DYNC2H1: variants seen among roughly 807,000 people sequenced by gnomAD.
The protein encoded by DYNC2H1 is cytoplasmic dynein 2 heavy chain 1.
Under a neutral mutation model 570.0 loss-of-function variants are expected in DYNC2H1, and 410 were observed. That is an observed-to-expected ratio of 0.72 (90% CI 0.66 to 0.78). The LOEUF (loss-of-function observed/expected upper bound fraction) is 0.78, where lower values mean the gene tolerates loss of function less well. Ranked by LOEUF, DYNC2H1 falls within the 30% of genes least tolerant of loss-of-function variation. DYNC2H1 has a pLI of 0.00. For synonymous variants in DYNC2H1, 1,688 were observed against 1,677.6 expected, an observed-to-expected ratio of 1.01 and a Z score of -0.15; for missense variants, 4,865 against 5,046.4, an observed-to-expected ratio of 0.96 and a Z score of 1.09.
Position 103,243,738 on chromosome 11 carries a change from G to C in DYNC2H1, c.9865G>C (p.Glu3289Gln), listed in dbSNP as rs200326353. 3.9e-4 allele frequency: 622 copies of C among 1,606,582 alleles called. 1 individual carries two copies. The highest frequency in any genetic ancestry group is 9.9e-4 in the Middle Eastern group (6 of 6,038). Residue 3289 changes from glutamate to glutamine, a missense_variant, in exon 64 of 89, where the codon GAG (glutamate) becomes CAG (glutamine). Physicochemically the swap from Glu to Gln is conservative, Grantham distance 29 (BLOSUM62 2). Coordinates refer to ENST00000375735, the MANE Select transcript of DYNC2H1 (RefSeq NM_001377.3). The surrounding 1 kb of genome is among the most constrained non-coding windows in gnomAD (Gnocchi z 4.8). ...FLIDPSSQAT[E>Q]WLKTHLKDSR... ...TATAGATCCTTCTTCCCAAGCTACA[G>C]AGTGGTTAAAAACACATTTGAAAGA...
chr11:103,191,964 T>G (rs1862334190), intron 46 of DYNC2H1, 133 bp from the exon 47 acceptor site: 2 of 650,780 alleles, frequency 3.1e-6, no homozygotes, highest in African/African-American at 3.7e-5. Flanking sequence ...ATTTTAACTT[T>G]TTTTCCTTTC....
chr11:103,287,749 T>A, intron 75 of DYNC2H1, 144 bp downstream of exon 75: 1 of 731,034 alleles, frequency 1.4e-6, no homozygotes, highest in Non-Finnish European at 2.1e-6. Flanking sequence ...AATCTCTACC[T>A]GTTTTAGAAA....
intron 4 of DYNC2H1, among the ~76,000 whole-genome samples, chr11:103,115,522 G>A (rs1189829633): frequency 6.6e-6 from 1 of 152,142 alleles, no homozygotes; most frequent in Admixed American, 6.5e-5. Context: ...TTACGCCTGG[G>A]CATGGTGACT....
At chr11:103,435,850 T>G in intron 84 of DYNC2H1, 93 bp from the exon 85 acceptor site, 2 of 1,232,702 alleles carry the variant, frequency 1.6e-6, no homozygotes, top group South Asian at 2.6e-5. Context: ...ATGTGAATTA[T>G]GCCAAAATTT....
intron 1 of DYNC2H1, among the ~76,000 whole-genome samples, chr11:103,111,047 A>G (rs1205119067): frequency 6.6e-6 from 1 of 152,144 alleles, no homozygotes; most frequent in African/African-American, 2.4e-5. Context: ...GCTGGTCTCG[A>G]ACTCCTGACC....
Position 103,176,247 on chromosome 11 carries a change from A to C in DYNC2H1, c.5687A>C (p.His1896Pro). The C allele has an allele frequency of 6.7e-7, 1 of 1,496,930 alleles. No homozygotes were observed. The highest frequency in any genetic ancestry group is 8.9e-7 in the Non-Finnish European group (1 of 1,127,910). 92.7% of individuals were successfully genotyped at this position (1,496,930 alleles called of 1,614,324 possible). The change falls in exon 37 of 89, where the codon CAT becomes CCT. Residue 1896 changes from histidine (H) to proline (P), a missense_variant. Coordinates refer to ENST00000375735, the MANE Select transcript of DYNC2H1 (RefSeq NM_001377.3). ...AACTTTTTTCTAGCTAATGAAAGTC[A>C]TATTGTGGTACAAGCACTGAGGCTT... ...SGTTQNANES[H>P]IVVQALRLNT...
intron 39 of DYNC2H1, among the ~76,000 whole-genome samples, chr11:103,179,789 A>C (rs1214960169): frequency 6.6e-6 from 1 of 151,728 alleles, no homozygotes; most frequent in African/African-American, 2.4e-5. Context: ...GTGAATAATA[A>C]ACCAATTTTA....
intron 83 of DYNC2H1, among the ~76,000 whole-genome samples, chr11:103,391,536 G>A (rs951191309): frequency 1.3e-5 from 2 of 152,238 alleles, no homozygotes; most frequent in Non-Finnish European, 2.9e-5. Flanking sequence ...TCTGTTGCTG[G>A]TAAGGAGCTG....
At chr11:103,178,802 AT>A (rs1044670122) in intron 38 of DYNC2H1, among the ~76,000 whole-genome samples, 2 of 151,874 alleles carry the variant, frequency 1.3e-5, no homozygotes, top group East Asian at 1.9e-4. Flanking sequence ...TAAGCCTTGC[AT>A]TTTTTTTAGT....
At chr11:103,343,581 G>C (rs975169682) in intron 82 of DYNC2H1, among the ~76,000 whole-genome samples, 3 of 152,152 alleles carry the variant, frequency 2.0e-5, no homozygotes, top group African/African-American at 4.8e-5. Flanking sequence ...AAGCTAGGAT[G>C]TGGGGAGCCT....
intron 84 of DYNC2H1, among the ~76,000 whole-genome samples, chr11:103,433,112 A>G (rs900425421): frequency 4.6e-5 from 7 of 152,154 alleles, no homozygotes; most frequent in Middle Eastern, 3.4e-3. Context: ...TACTATATTT[A>G]TTTTATTCAT....
chr11:103,445,246 CTTTA>C (rs1207534144), intron 85 of DYNC2H1, among the ~76,000 whole-genome samples: 1 of 152,106 alleles, frequency 6.6e-6, no homozygotes, highest in Non-Finnish European at 1.5e-5. Flanking sequence ...ATTTGAAAGA[CTTTA>C]TTTTTCATTC....
intron 87 of DYNC2H1, among the ~76,000 whole-genome samples, chr11:103,457,536 A>C (rs58172144): frequency 0.073 from 10,633 of 145,200 alleles, 630 homozygotes; most frequent in East Asian, 0.21. Flanking sequence ...AAATAGTAAA[A>C]ATTAAAATAA....
At chr11:103,374,852 C>T (rs1941327589) in intron 83 of DYNC2H1, among the ~76,000 whole-genome samples, 1 of 152,108 alleles carries the variant, frequency 6.6e-6, no homozygotes, top group African/African-American at 2.4e-5. Flanking sequence ...CAGTAGAAAA[C>T]AAAAACCCAT....
chr11:103,360,194 C>T (rs1250871824), intron 83 of DYNC2H1, among the ~76,000 whole-genome samples: 1 of 151,976 alleles, frequency 6.6e-6, no homozygotes, highest in East Asian at 1.9e-4. Flanking sequence ...TAGGGGAAAT[C>T]ATAATTTCCC....
Position 103,282,062 on chromosome 11 carries a change from G to T in DYNC2H1, c.10762-117G>T. The T allele has an allele frequency of 4.0e-6, 3 of 745,886 alleles. No individual in the cohort carries two copies. In the South Asian group the frequency reaches 5.4e-5, roughly 14 times the overall value. The allele number at this position is 745,886 out of a possible 1,614,324, so 46.2% of individuals were successfully genotyped here. On this transcript the variant is annotated intron_variant, in intron 71 of 88. Coordinates refer to ENST00000375735, the MANE Select transcript of DYNC2H1 (RefSeq NM_001377.3). ...ACATACTAGAAGAAGTGGTAAGATG[G>T]AAATGAGTATCTGCTTAGAAAAATG...
At chr11:103,429,461 A>T (rs1591743426) in intron 84 of DYNC2H1, among the ~76,000 whole-genome samples, 1 of 29,128 alleles carries the variant, frequency 3.4e-5, no homozygotes, top group Non-Finnish European at 5.5e-5. Context: ...CTGTACTGAT[A>T]AAAAAAAAAA....
intron 17 of DYNC2H1, among the ~76,000 whole-genome samples, chr11:103,142,546 G>A (rs1389471308): frequency 6.6e-6 from 1 of 152,082 alleles, no homozygotes; most frequent in Non-Finnish European, 1.5e-5. Context: ...GTGGTCACCT[G>A]TAATCCCAAT....
chr11:103,120,260 T>C (rs1858631271), intron 6 of DYNC2H1, among the ~76,000 whole-genome samples, 187 bp from the exon 7 acceptor site: 1 of 152,160 alleles, frequency 6.6e-6, no homozygotes, highest in East Asian at 1.9e-4. Flanking sequence ...AACAGTTATG[T>C]TTTTGAGCAT....
Sources: gnomAD v4.1 joint callset for allele counts (sites outside exome capture counted in the v4.1 genomes callset) on GRCh38, gnomAD v4.1.1 for gene constraint, Gnocchi (gnomAD v3.1) non-coding constraint, MANE v1.5 for transcripts, NCBI Gene and HGNC (gene_info 2026-07-23, HGNC 2026-07-21) for gene names.